Variants in ATP2C1 observed in about 807,000 individuals in gnomAD.
ATP2C1 encodes the protein calcium-transporting ATPase type 2C member 1.
In ATP2C1, 31 loss-of-function variants were observed where a neutral mutation model predicts 120.5. The ratio of observed to expected loss-of-function variants is 0.26; its 90% CI spans 0.19 to 0.35. ATP2C1 has a LOEUF of 0.35. ATP2C1 is among the 10% of genes least tolerant of loss of function. The pLI is 1.00. For synonymous variants in ATP2C1, 351 were observed against 358.7 expected (o/e 0.98, Z 0.24); for missense variants, 731 against 1,107.5 (o/e 0.66, Z 4.83).
chr3:130,860,750 A>G (rs746097447), intron 1 of ATP2C1, among the ~76,000 whole-genome samples: 3 of 151,166 alleles, frequency 2.0e-5, no homozygotes, highest in Non-Finnish European at 4.4e-5. Context: ...TCTTCCCTTC[A>G]CTCCTTCCTT....
intron 2 of ATP2C1, among the ~76,000 whole-genome samples, chr3:130,920,539 G>T (rs570515803): frequency 6.6e-6 from 1 of 152,078 alleles, no homozygotes; most frequent in South Asian, 2.1e-4. Flanking sequence ...CTATATGTCC[G>T]TCTTTATGCC....
upstream of ATP2C1, among the ~76,000 whole-genome samples, chr3:130,893,619 G>A (rs1378659585): frequency 2.0e-5 from 3 of 152,210 alleles, no homozygotes; most frequent in African/African-American, 7.2e-5. Flanking sequence ...CTGCCACCCC[G>A]ACGGGAGCAG....
chr3:130,892,529 T>C (rs1410248086), upstream of ATP2C1, among the ~76,000 whole-genome samples: 1 of 152,088 alleles, frequency 6.6e-6, no homozygotes, highest in Non-Finnish European at 1.5e-5. Flanking sequence ...GAATAAAAGT[T>C]CAATATTTCT....
chr3:130,992,769 T>C (rs989287942), intron 20 of ATP2C1, among the ~76,000 whole-genome samples, 182 bp from the exon 21 acceptor site: 2 of 152,214 alleles, frequency 1.3e-5, no homozygotes, highest in Non-Finnish European at 2.9e-5. Context: ...TTGGTAAAGA[T>C]TGAAATGACC....
chr3:130,969,271 C>G (rs1453234492), intron 16 of ATP2C1, 21 bp from the exon 17 acceptor site: 1 of 1,547,670 alleles, frequency 6.5e-7, no homozygotes, highest in Non-Finnish European at 8.9e-7. Flanking sequence ...TGAGAATTAA[C>G]TTTCTCTTTG....
chr3:130,979,279 G>A lies in ATP2C1; in HGVS notation c.1601G>A (p.Gly534Glu), dbSNP rs2061654603. Residue 534 changes from glycine (G) to glutamate (E), a missense_variant, in exon 19 of 28, where the codon GGA becomes GAA. Gly to Glu is a moderately conservative substitution (Grantham distance 98). This residue lies in a region of ATP2C1 where 571 missense variants were observed against 845.9 expected (regional missense o/e 0.67). Coordinates refer to ENST00000510168, the MANE Select transcript of ATP2C1 (RefSeq NM_001378687.1). ...VLALASGPEL[G>E]QLTFLGLVGI... ...GCTTTGGCTTCTGGTCCTGAACTGG[G>A]ACAGCTGACATTTCTTGGCTTGGTG... The A allele has an allele frequency of 4.3e-6, 7 of 1,613,576 alleles. No homozygotes were observed. Among genetic ancestry groups the A allele is most frequent in the Non-Finnish European group, 5.1e-6 (6 of 1,179,700 alleles).
Position 130,894,411 on chromosome 3 carries a change from T to G in ATP2C1, c.-181+74T>G, listed in dbSNP as rs1010558944. ...TCTGAAGGAAGGGGAGGTTCGGGTA[T>G]CCCCTGGATGGGGGGGCATCTCTAG... On this transcript the variant is annotated intron_variant, in intron 1 of 27. Transcript: ENST00000510168. The surrounding 1 kb of genome is among the most constrained non-coding windows in gnomAD (Gnocchi z 4.5). The G allele has an allele frequency of 1.7e-6, 2 of 1,209,390 alleles. No individual in the cohort carries two copies. Among genetic ancestry groups the G allele is most frequent in the Non-Finnish European group, 2.1e-6 (2 of 963,314 alleles). 74.9% of individuals were successfully genotyped at this position (1,209,390 alleles called of 1,614,324 possible). A position where few individuals can be genotyped will look rare whatever the true frequency, so the allele number is the denominator to read the frequency against.
chr3:130,908,472 A>G (rs1399698759), intron 2 of ATP2C1, among the ~76,000 whole-genome samples: 2 of 151,730 alleles, frequency 1.3e-5, no homozygotes, highest in Non-Finnish European at 2.9e-5. Flanking sequence ...TAGAAATTAA[A>G]AAAAAAAAAC....
Position 130,861,568 on chromosome 3 carries a change from T to C in ATP2C1, c.108+10640T>C, listed in dbSNP as rs183106663. Among the ~76,000 whole-genome samples, 551 of 152,336 alleles carry C rather than the reference T, an allele frequency of 3.6e-3. 3 individuals carry two copies. The highest frequency in any genetic ancestry group is 6.2e-3 in the Non-Finnish European group (422 of 68,026). On this transcript the variant is annotated intron_variant, in intron 1 of 26. Transcript: ENST00000504381. ...ACGTTCATACTGATGAGGGTGAATC[T>C]TCTTTACTCAGTCCACTAATGCAAA...
At chr3:130,935,945 A>C (rs564301195) in intron 5 of ATP2C1, among the ~76,000 whole-genome samples, 1 of 152,322 alleles carries the variant, frequency 6.6e-6, no homozygotes, top group Admixed American at 6.5e-5. Context: ...CTAGCCTTGT[A>C]CTTGAAAGAC....
chr3:131,016,468 C>G (rs1056248599), exon 27 of ATP2C1: 4 of 1,049,608 alleles, frequency 3.8e-6, no homozygotes, highest in Non-Finnish European at 5.5e-6. Flanking sequence ...TTTTTCTCTT[C>G]TGGCTTCATA....
intron 18 of ATP2C1, 84 bp downstream of exon 18, chr3:130,975,572 GC>G (rs2061501792): frequency 1.4e-6 from 2 of 1,451,302 alleles, no homozygotes; most frequent in Admixed American, 3.8e-5. Context: ...TCACATTTGA[GC>G]TGTCCAACTC....
chr3:130,860,372 A>G (rs2067976206), intron 1 of ATP2C1, among the ~76,000 whole-genome samples: 1 of 152,246 alleles, frequency 6.6e-6, no homozygotes, highest in Non-Finnish European at 1.5e-5. Context: ...AAATGTTGGA[A>G]TTATTTCTTT....
chr3:130,857,466 A>T (rs1315778110), intron 1 of ATP2C1, among the ~76,000 whole-genome samples: 2 of 151,778 alleles, frequency 1.3e-5, no homozygotes, highest in Non-Finnish European at 2.9e-5. Flanking sequence ...CCCCTAAAAA[A>T]CTCCCAAACC....
intron 1 of ATP2C1, among the ~76,000 whole-genome samples, chr3:130,870,166 A>T (rs2068384876): frequency 6.6e-6 from 1 of 151,938 alleles, no homozygotes; most frequent in African/African-American, 2.4e-5. Context: ...CACTGTTGAG[A>T]CCTCAAAAAA....
chr3:130,943,823 A>G (rs2060025428), intron 8 of ATP2C1, among the ~76,000 whole-genome samples: 1 of 152,192 alleles, frequency 6.6e-6, no homozygotes, highest in African/African-American at 2.4e-5. Flanking sequence ...GGGATCTTTT[A>G]TCCATCTAAA....
intron 1 of ATP2C1, chr3:130,869,439 A>T (rs907198027): frequency 2.9e-4 from 12 of 42,092 alleles, no homozygotes; most frequent in East Asian, 7.3e-4. Flanking sequence ...TAAAAAAAAA[A>T]AAAAAAAAAA....
chr3:130,932,835 G>A (rs1009049486), intron 4 of ATP2C1, among the ~76,000 whole-genome samples: 8 of 152,076 alleles, frequency 5.3e-5, no homozygotes, highest in South Asian at 4.1e-4. Context: ...TTTCTAAAAC[G>A]ATCTATGTTT....
At chr3:130,907,856 T>A (rs1012008956) in intron 2 of ATP2C1, among the ~76,000 whole-genome samples, 1 of 152,006 alleles carries the variant, frequency 6.6e-6, no homozygotes, top group Non-Finnish European at 1.5e-5. Flanking sequence ...TGCCTTGAAT[T>A]GTCCTTTACT....
Sources: gnomAD v4.1 joint callset for allele counts (sites outside exome capture counted in the v4.1 genomes callset) on GRCh38, gnomAD v4.1.1 for gene constraint, gnomAD v4.1.1 regional missense constraint, Gnocchi (gnomAD v3.1) non-coding constraint, MANE v1.5 for transcripts, NCBI Gene and HGNC (gene_info 2026-07-23, HGNC 2026-07-21) for gene names.